Variants in AGO4 observed in about 807,000 individuals in gnomAD.
The protein encoded by AGO4 is argonaute RISC component 4.
Under a neutral mutation model 104.7 loss-of-function variants are expected in AGO4, and 33 were observed. The ratio of observed to expected loss-of-function variants is 0.32; its 90% confidence interval spans 0.24 to 0.42. The LOEUF is 0.42. Among genes scored for constraint, AGO4 ranks in the 10% least tolerant of loss-of-function variants. The pLI is 1.00. For missense variants in AGO4, 711 were observed against 1,083.4 expected (o/e 0.66, Z 4.83); for synonymous variants, 331 against 364.7 (o/e 0.91, Z 1.05).
At chr1:35,816,523 A>G (rs1643700657) in intron 1 of AGO4, among the ~76,000 whole-genome samples, 1 of 152,132 alleles carries the variant, frequency 6.6e-6, no homozygotes, top group African/African-American at 2.4e-5. Flanking sequence ...ACAGCAGGCC[A>G]GGTGCGGTGG....
chr1:35,853,454 T>C lies in AGO4; in HGVS notation c.2478-43T>C, dbSNP rs1383444733. The stretch of plus-strand genomic sequence containing the variant: ...TTGTTGTTGTTTTTGGTTTTTTGTT[T>C]GTTTGTTTTGCTTTGTTTTGTTTTG... On this transcript the variant is annotated intron_variant, in intron 17 of 17. Transcript: ENST00000373210. 18 of 1,546,142 alleles carry C rather than the reference T, an allele frequency of 1.2e-5. No homozygotes were observed. The East Asian group carries it at 1.4e-4, about 12-fold the overall frequency.
intron 7 of AGO4, among the ~76,000 whole-genome samples, chr1:35,830,143 CAAAAAA>C (rs68143333): frequency 1.0e-5 from 1 of 100,272 alleles, no homozygotes; most frequent in Non-Finnish European, 2.1e-5. Flanking sequence ...GACTCTGTCT[CAAAAAA>C]AAAAAAAAAA....
Position 35,841,744 on chromosome 1 carries a change from A to G in AGO4, c.2169A>G (p.Thr723=), listed in dbSNP as rs1644448155. 1 of 1,613,746 alleles carries G rather than the reference A, an allele frequency of 6.2e-7. No homozygotes were observed. Among genetic ancestry groups the G allele is most frequent in the Non-Finnish European group, 8.5e-7 (1 of 1,179,848 alleles). The part of the protein sequence containing the change: ...HHTRLFCADK[T]ERVGKSGNVP... ...CACGACTCTTCTGTGCAGATAAAAC[A>G]GAAAGGGTAAGAAGATATAATATAA... Residue 723 remains threonine, a synonymous_variant, in exon 15 of 18, where the codon ACA becomes ACG. Coordinates refer to ENST00000373210, the MANE Select transcript of AGO4 (RefSeq NM_017629.4). The surrounding 1 kb of genome is among the most constrained non-coding windows in gnomAD (Gnocchi z 4.7).
In AGO4 at chr1:35,853,674, G is replaced by T; in HGVS notation, c.*69G>T. ...CCTCAAAATGTTTCAAATGCCTACC[G>T]CCTCTAGATCGAGCCACGTTGACTT... is the stretch of plus-strand genomic sequence containing the variant. On this transcript the variant is annotated 3_prime_UTR_variant, in exon 18 of 18. Transcript: ENST00000373210. The T allele has an allele frequency of 7.3e-7, 1 of 1,372,714 alleles. No homozygotes were observed. The highest frequency in any genetic ancestry group is 1.0e-6 in the Non-Finnish European group (1 of 973,048). 85.0% of individuals were successfully genotyped at this position (1,372,714 alleles called of 1,614,324 possible).
chr1:35,827,286 G>A (rs1644047120), intron 7 of AGO4, among the ~76,000 whole-genome samples: 1 of 151,962 alleles, frequency 6.6e-6, no homozygotes, highest in Non-Finnish European at 1.5e-5. Flanking sequence ...TTGGGAGGCC[G>A]AGCCAGGCAG....
At position 35,853,757 on chromosome 1, in the gene AGO4, C is replaced by T. The variant is rs1644761152; in HGVS notation, c.*152C>T. 5.3e-6 allele frequency: 3 copies of T among 570,254 alleles called. No individual in the cohort carries two copies. The highest frequency in any genetic ancestry group is 2.5e-5 in the South Asian group (1 of 40,454). The allele number at this position is 570,254 out of a possible 1,614,324, so 35.3% of individuals were successfully genotyped here. ...TGCACTGAATCTATACTTTGCAGCA[C>T]TGTCTGATGCGTCAACAAAATTGAG... On this transcript the variant is annotated 3_prime_UTR_variant, in exon 18 of 18. Transcript: ENST00000373210.
intron 1 of AGO4, among the ~76,000 whole-genome samples, chr1:35,815,224 T>C (rs1643654117): frequency 6.6e-6 from 1 of 152,214 alleles, no homozygotes; most frequent in Non-Finnish European, 1.5e-5. Flanking sequence ...GTGAAGTCTT[T>C]GTTCTCAGTG....
intron 13 of AGO4, among the ~76,000 whole-genome samples, chr1:35,836,911 A>G (rs1219193344): frequency 6.6e-6 from 1 of 152,140 alleles, no homozygotes; most frequent in Non-Finnish European, 1.5e-5. Context: ...TGAGAGTTCT[A>G]CTTGCTCTAT....
intron 2 of AGO4, among the ~76,000 whole-genome samples, chr1:35,820,758 G>A (rs1643872479): frequency 6.6e-6 from 1 of 152,126 alleles, no homozygotes; most frequent in Non-Finnish European, 1.5e-5. Context: ...TGATTTAGGA[G>A]AGAAGACAAT....
At chr1:35,847,502 G>C (rs1264604135) in intron 15 of AGO4, among the ~76,000 whole-genome samples, 1 of 152,108 alleles carries the variant, frequency 6.6e-6, no homozygotes, top group Non-Finnish European at 1.5e-5. Context: ...CCAAAGTGCT[G>C]GGATTACAGG....
intron 13 of AGO4, among the ~76,000 whole-genome samples, chr1:35,839,404 G>A (rs1187633603): frequency 6.6e-6 from 1 of 152,140 alleles, no homozygotes; most frequent in African/African-American, 2.4e-5. Flanking sequence ...GTGGCTTAGA[G>A]TGCATACTTT....
At chr1:35,843,749 T>A (rs1644503538) in intron 15 of AGO4, among the ~76,000 whole-genome samples, 1 of 152,230 alleles carries the variant, frequency 6.6e-6, no homozygotes, top group Non-Finnish European at 1.5e-5. Flanking sequence ...TGCCACCTTC[T>A]CCTTAACTGT....
intron 13 of AGO4, among the ~76,000 whole-genome samples, chr1:35,840,952 T>C (rs1265024616): frequency 6.6e-6 from 1 of 152,186 alleles, no homozygotes; most frequent in African/African-American, 2.4e-5. Flanking sequence ...CCTACTGTTA[T>C]AGAAGAGCCA....
intron 1 of AGO4, among the ~76,000 whole-genome samples, chr1:35,811,171 A>G (rs1643490428): frequency 1.3e-5 from 2 of 150,874 alleles, no homozygotes; most frequent in African/African-American, 2.4e-5. Flanking sequence ...CAACCAAACC[A>G]CAACAAAAAA....
intron 2 of AGO4, 68 bp from the exon 3 acceptor site, chr1:35,822,794 A>G: frequency 1.9e-6 from 3 of 1,582,102 alleles, no homozygotes; most frequent in Admixed American, 1.7e-5. Flanking sequence ...TGATTAAAGT[A>G]TGATGATGCT....
chr1:35,834,904 C>G (rs558045672), intron 12 of AGO4, among the ~76,000 whole-genome samples: 3 of 152,070 alleles, frequency 2.0e-5, no homozygotes, highest in Non-Finnish European at 4.4e-5. Flanking sequence ...CCGTGTTGCC[C>G]AGGATGGTCT....
chr1:35,816,568 A>C (rs1485196664), intron 1 of AGO4, among the ~76,000 whole-genome samples: 1 of 152,104 alleles, frequency 6.6e-6, no homozygotes, highest in Non-Finnish European at 1.5e-5. Flanking sequence ...TGGGAGGCTG[A>C]GGCAGGTGGA....
At chr1:35,852,478 T>C (rs187930650) in intron 17 of AGO4, among the ~76,000 whole-genome samples, 9 of 152,290 alleles carry the variant, frequency 5.9e-5, no homozygotes, top group Admixed American at 3.3e-4. Context: ...CAAGGTTATA[T>C]AGTTAGTGAA....
chr1:35,810,880 C>T lies in AGO4; in HGVS notation c.19+2445C>T, dbSNP rs554101348. Among the ~76,000 whole-genome samples, 20 of 152,238 alleles carry T rather than the reference C, an allele frequency of 1.3e-4. No homozygotes were observed. The South Asian group carries it at 4.2e-3, about 32-fold the overall frequency. On this transcript the variant is annotated intron_variant, in intron 1 of 17. Coordinates refer to ENST00000373210, the MANE Select transcript of AGO4 (RefSeq NM_017629.4). ...ACTGTGGTGGTTCATGCCTGTAATCCCAGCACTTTGGGAGGTTGAGGTGGG... is the reference window on the plus strand; with the variant it reads ...ACTGTGGTGGTTCATGCCTGTAATCTCAGCACTTTGGGAGGTTGAGGTGGG...
Sources: allele counts gnomAD v4.1 joint callset (sites outside exome capture counted in the v4.1 genomes callset), GRCh38; gene constraint gnomAD v4.1.1; non-coding constraint Gnocchi (gnomAD v3.1); transcripts MANE v1.5; gene names NCBI Gene and HGNC (gene_info 2026-07-23, HGNC 2026-07-21).